The following XYLT1 variants were observed in gnomAD, a reference collection of about 807,000 sequenced individuals.
XYLT1 encodes the protein beta-D-xylosyltransferase 1.
XYLT1 carries 36 observed loss-of-function variants against 91.3 expected under a neutral mutation model. The observed-to-expected ratio is 0.39, with a 90% CI of 0.30 to 0.52. XYLT1 has a LOEUF of 0.52. Ranked by LOEUF, XYLT1 falls within the 20% of genes least tolerant of loss-of-function variation. XYLT1 has a pLI of 0.68. For synonymous variants in XYLT1, 588 were observed against 532.0 expected, an observed-to-expected ratio of 1.11 and a Z score of -1.45; for missense variants, 1,242 against 1,284.5, an observed-to-expected ratio of 0.97 and a Z score of 0.51.
At chr16:17,453,590 C>T (rs2036696282) in intron 1 of XYLT1, among the ~76,000 whole-genome samples, 1 of 152,190 alleles carries the variant, frequency 6.6e-6, no homozygotes, top group Non-Finnish European at 1.5e-5. Context: ...GGGAAGTCTC[C>T]GTGCTCCGAT....
intron 2 of XYLT1, among the ~76,000 whole-genome samples, chr16:17,351,325 C>T (rs1000825805): frequency 3.3e-5 from 5 of 151,894 alleles, no homozygotes; most frequent in African/African-American, 1.2e-4. Flanking sequence ...ACAGCCTGGC[C>T]GACATGGTGA....
At chr16:17,393,329 G>C (rs1160324662) in intron 1 of XYLT1, among the ~76,000 whole-genome samples, 1 of 152,186 alleles carries the variant, frequency 6.6e-6, no homozygotes, top group Non-Finnish European at 1.5e-5. Flanking sequence ...AAATGTAAGG[G>C]GTGCAGGAGC....
chr16:17,253,891 G>A lies in XYLT1; in HGVS notation c.913+5097C>T, dbSNP rs978077517. 3.3e-4 allele frequency among the ~76,000 whole-genome samples: 49 copies of A among 150,756 alleles called. 1 individual carries two copies. Among genetic ancestry groups the A allele is most frequent in the Admixed American group, 1.7e-3 (26 of 15,018 alleles). On this transcript the variant is annotated intron_variant, in intron 3 of 11. Coordinates refer to ENST00000261381, the MANE Select transcript of XYLT1 (RefSeq NM_022166.4). ...GCCTGCAGGTGGAAGAACACCTCTG[G>A]GGCTTGACAATGTGAGATAAAGTGA...
intron 2 of XYLT1, among the ~76,000 whole-genome samples, chr16:17,326,667 A>C (rs1224217883): frequency 6.6e-6 from 1 of 152,050 alleles, no homozygotes; most frequent in African/African-American, 2.4e-5. Flanking sequence ...ATTAAAAAAT[A>C]CAAAAAAATT....
In XYLT1 at chr16:17,339,825, CTCCT is replaced by C. The variant is rs556527433; in HGVS notation, c.402+18183_402+18186del. Among the ~76,000 whole-genome samples, 802 of 150,932 alleles carry C rather than the reference CTCCT, an allele frequency of 5.3e-3. 8 individuals are homozygous for C. The highest frequency in any genetic ancestry group is 0.019 in the African/African-American group (771 of 41,136). On this transcript the variant is annotated intron_variant, in intron 2 of 11. Coordinates refer to ENST00000261381, the MANE Select transcript of XYLT1 (RefSeq NM_022166.4). ...ATTTTATCTATCTATCCTTTTTTCC[CTCCT>C]TCCTTCTTCCTTCCTTCCCTCCTTC...
intron 1 of XYLT1, among the ~76,000 whole-genome samples, chr16:17,467,182 A>T (rs901089132): frequency 6.6e-6 from 1 of 152,238 alleles, no homozygotes; most frequent in Non-Finnish European, 1.5e-5. Flanking sequence ...TGGGAAGGGT[A>T]ATAAAAAATT....
At chr16:17,195,510 A>T (rs769094450) in intron 5 of XYLT1, among the ~76,000 whole-genome samples, 1 of 151,692 alleles carries the variant, frequency 6.6e-6, no homozygotes, top group African/African-American at 2.4e-5. Flanking sequence ...CAGTGGCGCG[A>T]TATCGGCTCA....
intron 1 of XYLT1, among the ~76,000 whole-genome samples, chr16:17,371,866 G>A (rs1424437161): frequency 6.6e-6 from 1 of 152,240 alleles, no homozygotes; most frequent in Non-Finnish European, 1.5e-5. Flanking sequence ...ATATGCATGT[G>A]TGTACACACA....
chr16:17,461,497 T>C lies in XYLT1; in HGVS notation c.363+8937A>G, dbSNP rs137919878. On this transcript the variant is annotated intron_variant, in intron 1 of 11. Transcript: ENST00000261381. ...GTGCTGGACACAGGGACTGGTACCT[T>C]CTAACTGCAGGAGTGGAGGATGGGT... 4.3e-4 allele frequency among the ~76,000 whole-genome samples: 66 copies of C among 152,294 alleles called. No individual in the cohort carries two copies. The East Asian group carries it at 0.012, about 28-fold the overall frequency.
intron 2 of XYLT1, 56 bp from the exon 3 acceptor site, chr16:17,259,554 C>A: frequency 6.4e-7 from 1 of 1,571,142 alleles, no homozygotes; most frequent in Non-Finnish European, 8.6e-7. Flanking sequence ...TCATGCTAAG[C>A]AGACTGGCCT....
At chr16:17,125,584 C>T (rs2030232427) in intron 10 of XYLT1, among the ~76,000 whole-genome samples, 1 of 151,976 alleles carries the variant, frequency 6.6e-6, no homozygotes, top group South Asian at 2.1e-4. Context: ...CGAGGACTGG[C>T]TCTTTTACAG....
intron 1 of XYLT1, among the ~76,000 whole-genome samples, chr16:17,436,290 T>C (rs2036458074): frequency 6.6e-6 from 1 of 152,222 alleles, no homozygotes. Context: ...GTCTAAGAGA[T>C]GAGCATGTCA....
At chr16:17,407,070 C>T (rs972015904) in intron 1 of XYLT1, among the ~76,000 whole-genome samples, 4 of 152,220 alleles carry the variant, frequency 2.6e-5, no homozygotes, top group Admixed American at 1.3e-4. Context: ...GACGCAATCT[C>T]GGCTCACTGC....
chr16:17,291,117 G>A (rs2034218469), intron 2 of XYLT1, among the ~76,000 whole-genome samples: 1 of 151,994 alleles, frequency 6.6e-6, no homozygotes, highest in Non-Finnish European at 1.5e-5. Flanking sequence ...TTTTGGCAGC[G>A]ACTGGGTTAA....
chr16:17,128,475 T>A (rs1200014030), intron 9 of XYLT1, among the ~76,000 whole-genome samples: 3 of 152,352 alleles, frequency 2.0e-5, no homozygotes, highest in Middle Eastern at 3.4e-3. Context: ...TAAACAATGC[T>A]GCATTCAACA....
chr16:17,159,896 C>G (rs2031505746), intron 5 of XYLT1, among the ~76,000 whole-genome samples: 1 of 152,254 alleles, frequency 6.6e-6, no homozygotes, highest in African/African-American at 2.4e-5. Flanking sequence ...TAAACCCAAA[C>G]AGGTAAATGG....
intron 2 of XYLT1, among the ~76,000 whole-genome samples, chr16:17,261,241 C>CAAAAAA (rs10573500): frequency 1.0e-5 from 1 of 96,446 alleles, no homozygotes; most frequent in Admixed American, 1.1e-4. Flanking sequence ...AACTGGCTCT[C>CAAAAAA]AAAAAAAAAA....
intron 5 of XYLT1, among the ~76,000 whole-genome samples, chr16:17,164,202 T>A (rs949399745): frequency 6.6e-6 from 1 of 152,134 alleles, no homozygotes; most frequent in South Asian, 2.1e-4. Context: ...AGTGTACCCA[T>A]AATCTTTAAG....
intron 3 of XYLT1, among the ~76,000 whole-genome samples, chr16:17,228,795 G>A (rs1409284564): frequency 2.0e-5 from 3 of 152,106 alleles, no homozygotes; most frequent in African/African-American, 7.2e-5. Context: ...TACTTACTGA[G>A]GGCCCACTTC....
Sources: allele counts gnomAD v4.1 joint callset (sites outside exome capture counted in the v4.1 genomes callset), GRCh38; gene constraint gnomAD v4.1.1; transcripts MANE v1.5; gene names NCBI Gene and HGNC (gene_info 2026-07-23, HGNC 2026-07-21).